SLC4A4: variants seen among roughly 807,000 people sequenced by gnomAD.
SLC4A4 encodes electrogenic sodium bicarbonate cotransporter 1.
In SLC4A4, 27 loss-of-function variants were observed where a neutral mutation model predicts 111.5. The ratio of observed to expected loss-of-function variants is 0.24; its 90% CI spans 0.18 to 0.33. SLC4A4 has a LOEUF of 0.33. Ranked by LOEUF, SLC4A4 falls within the 10% of genes least tolerant of loss-of-function variation. The pLI is 1.00. For missense variants in SLC4A4, 909 were observed against 1,315.5 expected (o/e 0.69, Z 4.78); for synonymous variants, 443 against 463.4 (o/e 0.96, Z 0.57).
intron 2 of SLC4A4, among the ~76,000 whole-genome samples, chr4:71,124,960 T>C (rs1010487631): frequency 6.6e-5 from 10 of 152,354 alleles, no homozygotes; most frequent in South Asian, 2.1e-4. Flanking sequence ...ACAGGAACTA[T>C]CTTTCAGACT....
At chr4:71,125,297 A>T (rs1743530955) in intron 2 of SLC4A4, among the ~76,000 whole-genome samples, 1 of 152,230 alleles carries the variant, frequency 6.6e-6, no homozygotes, top group South Asian at 2.1e-4. Context: ...AGTAAAAAGA[A>T]TGCAACTATG....
At position 71,470,919 on chromosome 4, in the gene SLC4A4, A is replaced by G. The variant is rs559415273; in HGVS notation, c.1632-1780A>G. Among the ~76,000 whole-genome samples the G allele has an allele frequency of 3.3e-5, 5 of 152,068 alleles. No individual in the cohort carries two copies. The South Asian group carries it at 1.0e-3, about 32-fold the overall frequency. Reference sequence around the variant, plus strand: ...CTGATTGGATGAGTTCCTCCCACATACTATGGAGGGTGATCTGCTTTACTC... The same window carrying G: ...CTGATTGGATGAGTTCCTCCCACATGCTATGGAGGGTGATCTGCTTTACTC... On this transcript the variant is annotated intron_variant, in intron 13 of 25. Coordinates refer to ENST00000264485, the MANE Select transcript of SLC4A4 (RefSeq NM_001098484.3).
intron 16 of SLC4A4, among the ~76,000 whole-genome samples, chr4:71,522,288 C>T (rs951476743): frequency 2.0e-5 from 3 of 152,192 alleles, no homozygotes; most frequent in Non-Finnish European, 4.4e-5. Flanking sequence ...ACAGCATAAT[C>T]TGTGATTTTC....
rs540236272 is a variant in SLC4A4, at chr4:71,496,499, T to C, written c.1975-1002T>C. Among the ~76,000 whole-genome samples, 12 of 152,046 alleles carry C rather than the reference T, an allele frequency of 7.9e-5. No homozygotes were observed. In the South Asian group the frequency reaches 2.1e-3, roughly 26 times the overall value. On this transcript the variant is annotated intron_variant, in intron 15 of 25. Transcript: ENST00000264485. Reference sequence around the variant, plus strand: ...TCACCTGGAGACGAAGAGGGTATAGTTTTAGACCCCGGTTAGTATTGGTCA... The same window carrying C: ...TCACCTGGAGACGAAGAGGGTATAGCTTTAGACCCCGGTTAGTATTGGTCA...
At position 71,430,164 on chromosome 4, in the gene SLC4A4, A is replaced by T. The variant is rs556000988; in HGVS notation, c.808-10452A>T. On this transcript the variant is annotated intron_variant, in intron 7 of 25. Coordinates refer to ENST00000264485, the MANE Select transcript of SLC4A4 (RefSeq NM_001098484.3). ...CTAGGTGTGATTGGTGTGTCTTGTG[A>T]CCTCCCATTGGACAGTGTACTTTTT... Among the ~76,000 whole-genome samples, 38 of 151,958 alleles carry T rather than the reference A, an allele frequency of 2.5e-4. 1 individual carries two copies. In the South Asian group the frequency reaches 7.9e-3, roughly 32 times the overall value.
At chr4:71,532,738 A>G (rs1256757986) in intron 17 of SLC4A4, among the ~76,000 whole-genome samples, 1 of 152,104 alleles carries the variant, frequency 6.6e-6, no homozygotes, top group African/African-American at 2.4e-5. Context: ...TCCTGATTTT[A>G]TAAAGTTAAG....
chr4:71,465,296 A>G (rs1727204868), intron 12 of SLC4A4, among the ~76,000 whole-genome samples: 1 of 151,920 alleles, frequency 6.6e-6, no homozygotes, highest in South Asian at 2.1e-4. Context: ...AAGCTATAGA[A>G]TTTCTTTACT....
chr4:71,163,744 A>G (rs1346806970), intron 2 of SLC4A4, among the ~76,000 whole-genome samples: 1 of 152,224 alleles, frequency 6.6e-6, no homozygotes, highest in Admixed American at 6.5e-5. Context: ...TTATTTGCAT[A>G]TCACCTATAG....
intron 1 of SLC4A4, among the ~76,000 whole-genome samples, chr4:71,207,958 A>T (rs906271957): frequency 3.3e-5 from 5 of 152,060 alleles, no homozygotes; most frequent in Non-Finnish European, 7.4e-5. Context: ...GACTATAGGC[A>T]CGTGCTACCT....
chr4:71,519,954 A>G (rs1732778227), intron 16 of SLC4A4, among the ~76,000 whole-genome samples: 1 of 152,084 alleles, frequency 6.6e-6, no homozygotes, highest in South Asian at 2.1e-4. Context: ...CTGGCCAAGA[A>G]TATCATTTTT....
In SLC4A4 at chr4:71,081,407, A is replaced by G. The variant is rs144370780; in HGVS notation, c.-64-11323A>G. 6.8e-4 allele frequency among the ~76,000 whole-genome samples: 103 copies of G among 152,236 alleles called. 3 individuals carry two copies. Among genetic ancestry groups the G allele is most frequent in the African/African-American group, 2.4e-3 (100 of 41,482 alleles). On this transcript the variant is annotated intron_variant, in intron 1 of 26. Transcript: ENST00000649996. ...CTAATGCAGCCAGCTGCAGATCCCA[A>G]TGAAAACTGTGATGCTGTCACACTG...
intron 2 of SLC4A4, among the ~76,000 whole-genome samples, chr4:71,179,980 A>C (rs913915647): frequency 7.9e-5 from 12 of 152,184 alleles, no homozygotes; most frequent in South Asian, 2.1e-4. Context: ...ACCAAAACAA[A>C]ATGGTACTGG....
chr4:71,344,630 C>T (rs1203851412), intron 4 of SLC4A4, among the ~76,000 whole-genome samples: 1 of 152,090 alleles, frequency 6.6e-6, no homozygotes, highest in Non-Finnish European at 1.5e-5. Flanking sequence ...TTCTCCAGCT[C>T]CATGTAGGTT....
At chr4:71,085,854 T>C (rs1041087394) in intron 1 of SLC4A4, among the ~76,000 whole-genome samples, 3 of 152,058 alleles carry the variant, frequency 2.0e-5, no homozygotes, top group Admixed American at 6.6e-5. Flanking sequence ...TCCAGCTTTG[T>C]TCTTTTAGCT....
chr4:71,309,418 A>G (rs940679946), intron 3 of SLC4A4, among the ~76,000 whole-genome samples: 2 of 152,158 alleles, frequency 1.3e-5, no homozygotes, highest in African/African-American at 4.8e-5. Flanking sequence ...CCTGACCTGC[A>G]TGCCTCCTGA....
intron 6 of SLC4A4, among the ~76,000 whole-genome samples, chr4:71,358,080 C>T (rs545656067): frequency 9.9e-5 from 15 of 152,144 alleles, no homozygotes; most frequent in South Asian, 2.1e-4. Flanking sequence ...TTTGGGAGGC[C>T]GAGGCGGGTG....
At chr4:71,246,939 G>A (rs1720707998) in intron 2 of SLC4A4, among the ~76,000 whole-genome samples, 3 of 152,134 alleles carry the variant, frequency 2.0e-5, no homozygotes, top group South Asian at 4.2e-4. Flanking sequence ...TGATTTTTAG[G>A]CCACTTTAAA....
At chr4:71,501,717 A>G (rs113837455) in intron 16 of SLC4A4, among the ~76,000 whole-genome samples, 1 of 152,006 alleles carries the variant, frequency 6.6e-6, no homozygotes, top group African/African-American at 2.4e-5. Flanking sequence ...GCTGGAGTGC[A>G]GTGGTGCCAT....
intron 2 of SLC4A4, among the ~76,000 whole-genome samples, chr4:71,119,022 A>G (rs932029576): frequency 1.3e-5 from 2 of 152,198 alleles, no homozygotes; most frequent in Non-Finnish European, 2.9e-5. Flanking sequence ...CATAGCAAGC[A>G]TAACACCAAA....
Sources: allele counts gnomAD v4.1 joint callset (sites outside exome capture counted in the v4.1 genomes callset), GRCh38; gene constraint gnomAD v4.1.1; transcripts MANE v1.5; gene names NCBI Gene and HGNC (gene_info 2026-07-23, HGNC 2026-07-21).